Variants in RCSD1 observed in about 807,000 individuals in gnomAD.
RCSD1 encodes the protein capZ-interacting protein.
RCSD1 carries 26 observed loss-of-function variants against 42.5 expected under a neutral mutation model. That is an observed-to-expected ratio of 0.61 (90% CI 0.45 to 0.85). RCSD1 has a LOEUF of 0.85. Among genes scored for constraint, RCSD1 ranks in the 40% least tolerant of loss-of-function variants. The pLI is 0.00. For missense variants in RCSD1, 571 were observed against 528.3 expected, an observed-to-expected ratio of 1.08 and a Z score of -0.79; for synonymous variants, 220 against 212.2, an observed-to-expected ratio of 1.04 and a Z score of -0.32.
intron 1 of RCSD1, among the ~76,000 whole-genome samples, chr1:167,662,349 C>A (rs1350752096): frequency 6.6e-6 from 1 of 152,174 alleles, no homozygotes; most frequent in African/African-American, 2.4e-5. Context: ...GGTGTGCAGG[C>A]AGCACACTCG....
chr1:167,662,011 T>C (rs926800466), intron 1 of RCSD1, among the ~76,000 whole-genome samples: 1 of 152,174 alleles, frequency 6.6e-6, no homozygotes, highest in African/African-American at 2.4e-5. Context: ...GGGAGCCCCC[T>C]GAGGGAGTGA....
intron 6 of RCSD1, among the ~76,000 whole-genome samples, 163 bp downstream of exon 6, chr1:167,698,005 G>T (rs993214014): frequency 2.0e-5 from 3 of 152,208 alleles, no homozygotes; most frequent in African/African-American, 4.8e-5. Context: ...AAAGGCTGTC[G>T]CTGAGGCTGA....
intron 1 of RCSD1, among the ~76,000 whole-genome samples, chr1:167,682,658 G>A (rs555439321): frequency 3.4e-5 from 5 of 146,318 alleles, no homozygotes; most frequent in Admixed American, 2.1e-4. Flanking sequence ...CAAAAGGAGG[G>A]CCATGGAAGA....
chr1:167,692,562 T>C (rs931852097), intron 4 of RCSD1, among the ~76,000 whole-genome samples: 8 of 152,048 alleles, frequency 5.3e-5, no homozygotes, highest in African/African-American at 1.9e-4. Flanking sequence ...TTTGTTGCCC[T>C]GGATGGACTC....
chr1:167,643,922 A>C (rs1429948132), intron 1 of RCSD1, among the ~76,000 whole-genome samples: 1 of 152,216 alleles, frequency 6.6e-6, no homozygotes. Flanking sequence ...GGGATGGACA[A>C]GAGGACATCT....
rs777261614 is a variant in RCSD1, at chr1:167,694,345, G to A, written c.474+43G>A. The A allele has an allele frequency of 1.6e-5, 25 of 1,560,104 alleles. No individual in the cohort carries two copies. The East Asian group carries it at 3.5e-4, about 22-fold the overall frequency. ...ATTATGGCGGTGTGTCTGTGGAAAT[G>A]TGGGCACTGGCACCCCTGAATTTTC... On this transcript the variant is annotated intron_variant, in intron 5 of 6. Transcript: ENST00000367854.
At chr1:167,676,163 T>C (rs1658947507) in intron 1 of RCSD1, among the ~76,000 whole-genome samples, 1 of 152,180 alleles carries the variant, frequency 6.6e-6, no homozygotes, top group Non-Finnish European at 1.5e-5. Flanking sequence ...CACGGACAAG[T>C]TAGGTAACTT....
At chr1:167,674,523 C>A (rs1016302877) in intron 1 of RCSD1, among the ~76,000 whole-genome samples, 4 of 152,188 alleles carry the variant, frequency 2.6e-5, no homozygotes, top group Non-Finnish European at 5.9e-5. Context: ...CAATGAAATA[C>A]TTTTTGGTAT....
rs116292097 is a variant in RCSD1 at position 167,651,859 on chromosome 1, G to A, written c.6+21430G>A. On this transcript the variant is annotated intron_variant, in intron 1 of 6. Coordinates refer to ENST00000367854, the MANE Select transcript of RCSD1 (RefSeq NM_052862.4). ...CCCCGCTGTTCTTGAGGGGGGCTGC[G>A]TTCCTCCCTGACCTCCACTCTTATC... Among the ~76,000 whole-genome samples, 647 of 152,122 alleles carry A rather than the reference G, an allele frequency of 4.3e-3. 4 individuals carry two copies. The highest frequency in any genetic ancestry group is 0.014 in the African/African-American group (577 of 41,490).
At chr1:167,643,994 C>T (rs542371930) in intron 1 of RCSD1, among the ~76,000 whole-genome samples, 1 of 152,236 alleles carries the variant, frequency 6.6e-6, no homozygotes, top group East Asian at 1.9e-4. Context: ...GCCTGCAAAA[C>T]TGCCGGTAAA....
At chr1:167,675,498 A>G (rs1571695966) in intron 1 of RCSD1, among the ~76,000 whole-genome samples, 1 of 152,094 alleles carries the variant, frequency 6.6e-6, no homozygotes, top group East Asian at 1.9e-4. Context: ...CCTCCTATTA[A>G]ACATGAGAAT....
chr1:167,635,162 A>G (rs1384417567), intron 1 of RCSD1, among the ~76,000 whole-genome samples: 1 of 152,172 alleles, frequency 6.6e-6, no homozygotes, highest in Non-Finnish European at 1.5e-5. Context: ...AGAAACACCC[A>G]CAGCCTCGCT....
chr1:167,658,731 T>C (rs909119039), intron 1 of RCSD1, among the ~76,000 whole-genome samples: 13 of 152,128 alleles, frequency 8.5e-5, no homozygotes, highest in African/African-American at 3.1e-4. Context: ...ATGCCTGGCC[T>C]AGTTCATTCT....
chr1:167,679,392 T>C (rs1173988494), intron 1 of RCSD1, among the ~76,000 whole-genome samples: 1 of 152,216 alleles, frequency 6.6e-6, no homozygotes, highest in Non-Finnish European at 1.5e-5. Flanking sequence ...CTTTCCATCC[T>C]CCTAGGATAG....
chr1:167,685,647 T>C, intron 3 of RCSD1, 137 bp downstream of exon 3: 1 of 649,712 alleles, frequency 1.5e-6, no homozygotes, highest in East Asian at 3.0e-5. Context: ...CATTTCAGAG[T>C]GAATCTCCTC....
intron 1 of RCSD1, among the ~76,000 whole-genome samples, chr1:167,669,109 A>G (rs1158668103): frequency 6.6e-6 from 1 of 152,206 alleles, no homozygotes; most frequent in Non-Finnish European, 1.5e-5. Context: ...GCATGAAAAA[A>G]GTTCTGCATG....
At position 167,673,483 on chromosome 1, in the gene RCSD1, G is replaced by A. The variant is rs116169849; in HGVS notation, c.7-10417G>A. Among the ~76,000 whole-genome samples, 630 of 152,308 alleles carry A rather than the reference G, an allele frequency of 4.1e-3. 5 individuals carry two copies. Among genetic ancestry groups the A allele is most frequent in the African/African-American group, 0.014 (581 of 41,550 alleles). Reference sequence around the variant, plus strand: ...GGCACTTGAGGTATGAGCTGGCACCGAGGAAGCTCACAGTGAGTGTTGGCT... The same window carrying A: ...GGCACTTGAGGTATGAGCTGGCACCAAGGAAGCTCACAGTGAGTGTTGGCT... On this transcript the variant is annotated intron_variant, in intron 1 of 6. Transcript: ENST00000367854.
rs190615897 is a variant in RCSD1 at position 167,704,780 on chromosome 1, G to A, written c.*84G>A. On this transcript the variant is annotated 3_prime_UTR_variant, in exon 7 of 7. Transcript: ENST00000367854. ...AGCAACAGTTGTAGCAGCAGCAGAC[G>A]AAGCCATTGCAGAGGCAGAATATGC... 2.1e-5 allele frequency: 29 copies of A among 1,387,786 alleles called. No homozygotes were observed. The Middle Eastern group carries it at 5.4e-4, about 26-fold the overall frequency. 86.0% of individuals were successfully genotyped at this position (1,387,786 alleles called of 1,614,324 possible). A position where few individuals can be genotyped will look rare whatever the true frequency, so the allele number is the denominator to read the frequency against.
chr1:167,653,932 A>C (rs1658366232), intron 1 of RCSD1, among the ~76,000 whole-genome samples: 1 of 152,206 alleles, frequency 6.6e-6, no homozygotes, highest in Non-Finnish European at 1.5e-5. Context: ...CCCTGGTGGG[A>C]AGAGCAGGGG....
Sources: allele counts gnomAD v4.1 joint callset (sites outside exome capture counted in the v4.1 genomes callset), GRCh38; gene constraint gnomAD v4.1.1; transcripts MANE v1.5; gene names NCBI Gene and HGNC (gene_info 2026-07-23, HGNC 2026-07-21).